Variants in MAP4K4 observed in about 807,000 individuals in gnomAD.
The protein encoded by MAP4K4 is HPK/GCK-like kinase HGK.
MAP4K4 carries 38 observed loss-of-function variants against 189.6 expected under a neutral mutation model. That is an observed-to-expected ratio of 0.20 (90% CI 0.15 to 0.26). The LOEUF is 0.26. MAP4K4 is among the 10% of genes least tolerant of loss of function. MAP4K4 has a pLI of 1.00. For missense variants in MAP4K4, 1,054 were observed against 1,726.9 expected, an observed-to-expected ratio of 0.61 and a Z score of 6.91; for synonymous variants, 610 against 624.3, an observed-to-expected ratio of 0.98 and a Z score of 0.34.
chr2:101,725,525 C>A (rs2054822015), intron 2 of MAP4K4, among the ~76,000 whole-genome samples: 1 of 152,146 alleles, frequency 6.6e-6, no homozygotes, highest in Non-Finnish European at 1.5e-5. Context: ...ATACTCATCT[C>A]ATTTAAGACT....
chr2:101,763,196 C>T (rs558927508), intron 2 of MAP4K4, among the ~76,000 whole-genome samples: 35 of 152,218 alleles, frequency 2.3e-4, no homozygotes, highest in African/African-American at 7.9e-4. Context: ...CAGAAGAATC[C>T]GGTGAGACTG....
chr2:101,745,359 T>C (rs1218202334), intron 2 of MAP4K4, among the ~76,000 whole-genome samples: 9 of 77,230 alleles, frequency 1.2e-4, no homozygotes, highest in African/African-American at 3.0e-4. Flanking sequence ...CTGTCCTCCC[T>C]CCTCCCAAAT....
At chr2:101,882,760 C>G in intron 28 of MAP4K4, 75 bp downstream of exon 28, 1 of 1,404,068 alleles carries the variant, frequency 7.1e-7, no homozygotes, top group Non-Finnish European at 9.6e-7. Context: ...TAAATTTTCA[C>G]AGGTTTTTTG....
At chr2:101,836,309 C>A (rs1047357988) in intron 9 of MAP4K4, among the ~76,000 whole-genome samples, 7 of 152,130 alleles carry the variant, frequency 4.6e-5, no homozygotes, top group Non-Finnish European at 8.8e-5. Flanking sequence ...AGCGACCGGG[C>A]GCGGTGGCTC....
chr2:101,733,767 G>C (rs2059387552), intron 2 of MAP4K4, among the ~76,000 whole-genome samples: 1 of 152,208 alleles, frequency 6.6e-6, no homozygotes, highest in South Asian at 2.1e-4. Context: ...CTTCTCCAGG[G>C]CTCTCTGGCT....
chr2:101,880,366 G>T (rs1449410774), intron 27 of MAP4K4, among the ~76,000 whole-genome samples: 1 of 152,056 alleles, frequency 6.6e-6, no homozygotes. Flanking sequence ...ATTGATATTT[G>T]TGAAAGTTTC....
At chr2:101,752,823 T>C (rs981130627) in intron 2 of MAP4K4, among the ~76,000 whole-genome samples, 4 of 152,204 alleles carry the variant, frequency 2.6e-5, no homozygotes, top group Non-Finnish European at 5.9e-5. Context: ...ACATCATTAT[T>C]GCTACTGGCC....
rs71378177 is a variant in MAP4K4, at chr2:101,811,370, C to CA, written c.181-12537dup. Among the ~76,000 whole-genome samples the CA allele has an allele frequency of 5.5e-3, 378 of 68,822 alleles. 9 individuals carry two copies. The highest frequency in any genetic ancestry group is 0.021 in the East Asian group (40 of 1,912). The allele number at this position is 68,822 out of a possible 152,430, so 45.1% of individuals were successfully genotyped here. ...ATGGCGACAGAGTGAGACTGCGTCT[C>CA]AAAAAAAAAAAAAAAAAAAAAGAAT... On this transcript the variant is annotated intron_variant, in intron 3 of 32. Coordinates refer to ENST00000324219, the Ensembl canonical transcript of MAP4K4.
intron 2 of MAP4K4, among the ~76,000 whole-genome samples, chr2:101,740,603 C>G (rs537717162): frequency 6.6e-6 from 1 of 152,234 alleles, no homozygotes; most frequent in African/African-American, 2.4e-5. Flanking sequence ...TGAAGCCATG[C>G]TTTTTGACCT....
chr2:101,816,224 T>C (rs1448312172), intron 3 of MAP4K4, among the ~76,000 whole-genome samples: 1 of 152,232 alleles, frequency 6.6e-6, no homozygotes, highest in Non-Finnish European at 1.5e-5. Context: ...ATTTTAGTTG[T>C]TCAGGTGGGA....
At chr2:101,869,033 T>C (rs1267984187) in intron 21 of MAP4K4, among the ~76,000 whole-genome samples, 4 of 152,108 alleles carry the variant, frequency 2.6e-5, no homozygotes, top group Non-Finnish European at 5.9e-5. Flanking sequence ...TCTACAACTT[T>C]TATTAATAAA....
chr2:101,865,501 C>T (rs527474826), intron 18 of MAP4K4, among the ~76,000 whole-genome samples: 1 of 152,258 alleles, frequency 6.6e-6, no homozygotes, highest in Non-Finnish European at 1.5e-5. Flanking sequence ...CTGTCCAGTA[C>T]GATTAGCTAC....
At chr2:101,698,423 A>AT (rs766282556) in intron 1 of MAP4K4, 50 bp from the exon 2 acceptor site, 11 of 1,493,366 alleles carry the variant, frequency 7.4e-6, no homozygotes, top group Admixed American at 3.3e-5. Context: ...TGATTTATTC[A>AT]TTTTTTTGGC....
At chr2:101,710,946 G>A (rs2045148512) in intron 2 of MAP4K4, among the ~76,000 whole-genome samples, 1 of 152,132 alleles carries the variant, frequency 6.6e-6, no homozygotes, top group South Asian at 2.1e-4. Context: ...AGGAAGCCTT[G>A]CCTCCTACAT....
At chr2:101,876,572 A>G (rs376076415) in intron 26 of MAP4K4, among the ~76,000 whole-genome samples, 88 of 152,276 alleles carry the variant, frequency 5.8e-4, no homozygotes, top group African/African-American at 2.0e-3. Context: ...CATTCCAGAG[A>G]TTTGCCAATG....
At chr2:101,830,127 A>G (rs1021082057) in intron 6 of MAP4K4, among the ~76,000 whole-genome samples, 4 of 151,744 alleles carry the variant, frequency 2.6e-5, no homozygotes, top group African/African-American at 7.3e-5. Context: ...GGCCTTTTCC[A>G]ACCTCTAATC....
chr2:101,860,257 G>A, intron 15 of MAP4K4: 1 of 303,356 alleles, frequency 3.3e-6, no homozygotes, highest in South Asian at 3.3e-5. Context: ...ATGTCAAGAT[G>A]CCCTGCTAGA....
In MAP4K4 at chr2:101,866,582, A is replaced by G. The variant is rs1323166409; in HGVS notation, c.2356+3A>G. The G allele has an allele frequency of 1.2e-6, 2 of 1,611,182 alleles. No individual in the cohort carries two copies. Among genetic ancestry groups the G allele is most frequent in the Non-Finnish European group, 1.7e-6 (2 of 1,177,850 alleles). ...CGGGGAACGCTTCAGAGTGAGATGT[A>G]AGCTGCCTTTCCTTTCCTTTTTCCC... On this transcript the variant is annotated splice_donor_region_variant and intron_variant, in intron 19 of 32. Transcript: ENST00000324219.
chr2:101,741,562 T>C (rs2062842008), intron 2 of MAP4K4, among the ~76,000 whole-genome samples: 1 of 152,196 alleles, frequency 6.6e-6, no homozygotes, highest in African/African-American at 2.4e-5. Flanking sequence ...GACATTTTAC[T>C]CTACCCACCC....
Sources: gnomAD v4.1 joint callset for allele counts (sites outside exome capture counted in the v4.1 genomes callset) on GRCh38, gnomAD v4.1.1 for gene constraint, MANE v1.5 for transcripts, NCBI Gene and HGNC (gene_info 2026-07-23, HGNC 2026-07-21) for gene names.